ZNF329: variants seen among roughly 807,000 people sequenced by gnomAD.
ZNF329 encodes zinc finger protein 329.
ZNF329 carries 15 observed loss-of-function variants against 26.6 expected under a neutral mutation model. The ratio of observed to expected loss-of-function variants is 0.56; its 90% CI spans 0.38 to 0.87. The LOEUF is 0.87. Ranked by LOEUF, ZNF329 falls within the 40% of genes least tolerant of loss-of-function variation. The pLI is 0.00. For missense variants in ZNF329, 651 were observed against 651.9 expected (o/e 1.00, Z 0.02); for synonymous variants, 239 against 233.5 (o/e 1.02, Z -0.21).
Position 58,132,022 on chromosome 19 carries a change from CAA to C in ZNF329, c.-8-2513_-8-2512del, listed in dbSNP as rs11317433. Among the ~76,000 whole-genome samples the C allele has an allele frequency of 1.7e-3, 169 of 98,978 alleles. 1 individual carries two copies. The highest frequency in any genetic ancestry group is 1.6e-3 in the South Asian group (5 of 3,150). The allele number at this position is 98,978 out of a possible 152,430, so 64.9% of individuals were successfully genotyped here. The stretch of plus-strand genomic sequence containing the variant: ...TGGGCAACAGGGCGAGACTCTGCCT[CAA>C]AAAAAAAAAAAAAAGAAAGAAAAAA... On this transcript the variant is annotated intron_variant, in intron 3 of 3. Coordinates refer to ENST00000598312, the MANE Select transcript of ZNF329 (RefSeq NM_024620.4).
intron 3 of ZNF329, chr19:58,132,814 C>G (rs28661917): frequency 5.8e-5 from 1 of 17,226 alleles, no homozygotes; most frequent in Non-Finnish European, 5.8e-4. Context: ...TGGTCTTTTT[C>G]TTTTTTCTTT....
At chr19:58,144,305 G>C (rs1183495968) in intron 1 of ZNF329, among the ~76,000 whole-genome samples, 2 of 150,842 alleles carry the variant, frequency 1.3e-5, no homozygotes, top group East Asian at 3.9e-4. Context: ...CTCCTGAGTA[G>C]CCAGGACTAC....
chr19:58,137,809 CAAAAAAAA>C (rs72295173), intron 3 of ZNF329, among the ~76,000 whole-genome samples: 3 of 76,260 alleles, frequency 3.9e-5, no homozygotes, highest in Admixed American at 1.7e-4. Context: ...ACAAAAAATA[CAAAAAAAA>C]AAAAAAAAAA....
intron 1 of ZNF329, among the ~76,000 whole-genome samples, chr19:58,145,527 G>A (rs754206105): frequency 2.0e-5 from 3 of 151,482 alleles, no homozygotes; most frequent in African/African-American, 4.9e-5. Context: ...TCACCATGTC[G>A]GCCAGGCTGG....
At chr19:58,138,923 G>A (rs939411372) in intron 3 of ZNF329, among the ~76,000 whole-genome samples, 1 of 151,640 alleles carries the variant, frequency 6.6e-6, no homozygotes, top group Non-Finnish European at 1.5e-5. Flanking sequence ...CTTAAACCTA[G>A]GAGGCGGAGG....
chr19:58,149,165 C>G (rs1216747766), intron 1 of ZNF329, among the ~76,000 whole-genome samples: 1 of 152,196 alleles, frequency 6.6e-6, no homozygotes, highest in East Asian at 1.9e-4. Flanking sequence ...TTACAAATGT[C>G]ATGGAAACAT....
chr19:58,152,081 A>G (rs2075465420), upstream of ZNF329, among the ~76,000 whole-genome samples: 1 of 152,232 alleles, frequency 6.6e-6, no homozygotes, highest in South Asian at 2.1e-4. Context: ...CACTCACAAT[A>G]GTGATGGTTG....
At chr19:58,154,099 C>A (rs2075503624), upstream of ZNF329, among the ~76,000 whole-genome samples, 1 of 151,886 alleles carries the variant, frequency 6.6e-6, no homozygotes, top group African/African-American at 2.4e-5. Flanking sequence ...AACTCTGCAT[C>A]CCCGGTTCAA....
intron 3 of ZNF329, among the ~76,000 whole-genome samples, chr19:58,130,728 G>A (rs2074921480): frequency 6.6e-6 from 1 of 151,856 alleles, no homozygotes; most frequent in African/African-American, 2.4e-5. Context: ...CCAAGGCTAG[G>A]GGATGAAGGG....
Position 58,128,574 on chromosome 19 carries a change from T to C in ZNF329, c.930A>G (p.Thr310=), listed in dbSNP as rs1436051487. 6.2e-7 allele frequency: 1 copy of C among 1,613,944 alleles called. No homozygotes were observed. Among genetic ancestry groups the C allele is most frequent in the Non-Finnish European group, 8.5e-7 (1 of 1,179,882 alleles). ...SSLILHQRTH[T]GEKPYRCNEC... is the part of the protein sequence containing the mutation. ...CGTTACATCTATATGGTTTTTCCCCTGTATGAGTTCTTTGGTGCAAAATTA... is the reference window on the plus strand; with the variant it reads ...CGTTACATCTATATGGTTTTTCCCCCGTATGAGTTCTTTGGTGCAAAATTA... The change falls in exon 4 of 4, where the codon ACA becomes ACG. Residue 310 remains threonine, a synonymous_variant. Coordinates refer to ENST00000598312, the MANE Select transcript of ZNF329 (RefSeq NM_024620.4).
At chr19:58,152,932 T>C (rs2075483990), upstream of ZNF329, among the ~76,000 whole-genome samples, 1 of 152,042 alleles carries the variant, frequency 6.6e-6, no homozygotes, top group Admixed American at 6.6e-5. Flanking sequence ...TAGGCACTAA[T>C]ACAGACACAA....
chr19:58,152,394 G>A (rs1035636411), upstream of ZNF329, among the ~76,000 whole-genome samples: 6 of 148,460 alleles, frequency 4.0e-5, no homozygotes, highest in African/African-American at 1.5e-4. Flanking sequence ...GGGCACAGTG[G>A]CTCATGCCTG....
intron 3 of ZNF329, among the ~76,000 whole-genome samples, chr19:58,134,556 AAAG>A (rs1278808772): frequency 1.9e-4 from 29 of 152,244 alleles, no homozygotes; most frequent in Non-Finnish European, 4.0e-4. Context: ...AATGCCAAAC[AAAG>A]AAGGGTTTTG....
At position 58,128,394 on chromosome 19, in the gene ZNF329, G is replaced by A; in HGVS notation, c.1110C>T (p.Pro370=). Residue 370 remains proline, a synonymous_variant, in exon 4 of 4, where the codon CCC becomes CCT. Transcript: ENST00000598312. ...ATTTCCCGCACTCTGCACACTCAAA[G>A]GGCTTTTCTCCAGTGTGAGTCCTCT... ...QHERTHTGEK[P]FECAECGKSF... 6.2e-7 allele frequency: 1 copy of A among 1,613,946 alleles called. No individual in the cohort carries two copies. Among genetic ancestry groups the A allele is most frequent in the South Asian group, 1.1e-5 (1 of 91,068 alleles).
At chr19:58,145,739 C>A (rs989742466) in intron 1 of ZNF329, among the ~76,000 whole-genome samples, 1 of 151,886 alleles carries the variant, frequency 6.6e-6, no homozygotes, top group Admixed American at 6.6e-5. Context: ...TTCAAAGTAC[C>A]ATCTCTAGAA....
At chr19:58,138,012 T>A (rs1178423070) in intron 3 of ZNF329, among the ~76,000 whole-genome samples, 1 of 151,832 alleles carries the variant, frequency 6.6e-6, no homozygotes, top group Non-Finnish European at 1.5e-5. Context: ...AAAGCAAAAA[T>A]GAACACATAA....
chr19:58,142,842 T>C (rs780295830), intron 2 of ZNF329, among the ~76,000 whole-genome samples, 181 bp from the exon 3 acceptor site: 1 of 152,162 alleles, frequency 6.6e-6, no homozygotes, highest in Non-Finnish European at 1.5e-5. Flanking sequence ...CCTTTCTCCT[T>C]CTCCCTCTCA....
At chr19:58,130,216 T>C (rs977210413) in intron 3 of ZNF329, among the ~76,000 whole-genome samples, 1 of 148,398 alleles carries the variant, frequency 6.7e-6, no homozygotes, top group African/African-American at 2.5e-5. Context: ...CCAGCTACTC[T>C]GGAGGCTGAG....
chr19:58,154,770 A>C (rs954406857), upstream of ZNF329: 1 of 151,532 alleles, frequency 6.6e-6, no homozygotes, highest in African/African-American at 2.4e-5. Context: ...CGGGCGGCTG[A>C]CACCGCAGTC....
Sources: gnomAD v4.1 joint callset for allele counts (sites outside exome capture counted in the v4.1 genomes callset) on GRCh38, gnomAD v4.1.1 for gene constraint, MANE v1.5 for transcripts, NCBI Gene and HGNC (gene_info 2026-07-23, HGNC 2026-07-21) for gene names.